The following ABCB4 variants were observed in gnomAD, a reference collection of about 807,000 sequenced individuals.
The protein encoded by ABCB4 is phosphatidylcholine translocator ABCB4.
In ABCB4, 76 loss-of-function variants were observed where a neutral mutation model predicts 145.7. The observed-to-expected ratio is 0.52, with a 90% CI of 0.43 to 0.63. The LOEUF is 0.63. Among genes scored for constraint, ABCB4 ranks in the 30% least tolerant of loss-of-function variants. The pLI, the probability that ABCB4 is intolerant of heterozygous loss-of-function variation, is 0.00. For synonymous variants in ABCB4, 517 were observed against 566.8 expected, an observed-to-expected ratio of 0.91 and a Z score of 1.25; for missense variants, 1,234 against 1,553.1, an observed-to-expected ratio of 0.79 and a Z score of 3.45.
At chr7:87,397,829 A>G (rs1325309369), downstream of ABCB4, among the ~76,000 whole-genome samples, 1 of 152,196 alleles carries the variant, frequency 6.6e-6, no homozygotes, top group Admixed American at 6.5e-5. Context: ...TGAAAATTGC[A>G]TGGTTTTCCA....
At chr7:87,422,336 G>T in intron 17 of ABCB4, 111 bp from the exon 18 acceptor site, 1 of 837,944 alleles carries the variant, frequency 1.2e-6, no homozygotes, top group Non-Finnish European at 2.0e-6. Flanking sequence ...CTTCAAATAT[G>T]TAGGGTTTTG....
the ABCB4 span, among the ~76,000 whole-genome samples, chr7:87,389,818 G>C: frequency 2.8e-5 from 2 of 71,590 alleles, no homozygotes; most frequent in African/African-American, 6.2e-5. Flanking sequence ...TTTAAATCCA[G>C]TTTTTGTTGT....
At chr7:87,420,207 A>G in intron 18 of ABCB4, 132 bp from the exon 19 acceptor site, 2 of 810,612 alleles carry the variant, frequency 2.5e-6, no homozygotes, top group Middle Eastern at 5.8e-4. Context: ...AAGTCATGTT[A>G]ATAACCTGAG....
intron 14 of ABCB4, among the ~76,000 whole-genome samples, chr7:87,433,089 C>A (rs143695953): frequency 6.6e-6 from 1 of 152,156 alleles, no homozygotes; most frequent in East Asian, 1.9e-4. Context: ...AATTTAATTA[C>A]AATAAATATG....
At position 87,424,018 on chromosome 7, in the gene ABCB4, A is replaced by G. The variant is rs774920847; in HGVS notation, c.2099T>C (p.Val700Ala). 6.2e-7 allele frequency: 1 copy of G among 1,614,064 alleles called. No homozygotes were observed. The highest frequency in any genetic ancestry group is 2.2e-5 in the East Asian group (1 of 44,866). ...CCATTCTGTTTTATTCAGTTTCAGGACCTTCAGAAAGGACACTGGTGGCAC... is the reference window on the plus strand; with the variant it reads ...CCATTCTGTTTTATTCAGTTTCAGGGCCTTCAGAAAGGACACTGGTGGCAC... ...ANVPPVSFLK[V>A]LKLNKTEWPY... is the part of the protein sequence containing the mutation. Residue 700 changes from valine to alanine, a missense_variant, in exon 17 of 28, where the codon GTC becomes GCC. Coordinates refer to ENST00000649586, the MANE Select transcript of ABCB4 (RefSeq NM_000443.4).
At chr7:87,406,259 C>T (rs1808176797) in intron 26 of ABCB4, 29 bp downstream of exon 26, 3 of 1,605,458 alleles carry the variant, frequency 1.9e-6, no homozygotes, top group Admixed American at 3.3e-5. Flanking sequence ...AAAGTAGTCT[C>T]TTCTGATTTC....
chr7:87,398,742 A>G, downstream of ABCB4: 2 of 1,169,166 alleles, frequency 1.7e-6, no homozygotes, highest in Non-Finnish European at 2.4e-6. Context: ...TTGACTTGCT[A>G]ACATTCCTTT....
At chr7:87,366,194 T>A in the ABCB4 span, among the ~76,000 whole-genome samples, 1 of 152,104 alleles carries the variant, frequency 6.6e-6, no homozygotes, top group Non-Finnish European at 1.5e-5. Flanking sequence ...TACTAAAGCT[T>A]GATTATTCAT....
At chr7:87,370,405 A>C in the ABCB4 span, among the ~76,000 whole-genome samples, 1 of 151,920 alleles carries the variant, frequency 6.6e-6, no homozygotes, top group South Asian at 2.1e-4. Flanking sequence ...CTGGTCTTGA[A>C]CTCCTGGCCT....
intron 3 of ABCB4, among the ~76,000 whole-genome samples, chr7:87,465,005 C>T (rs1303469938): frequency 2.6e-5 from 4 of 152,230 alleles, no homozygotes; most frequent in Non-Finnish European, 5.9e-5. Flanking sequence ...GTTCATCTCA[C>T]TGCGGCTTGT....
At chr7:87,377,536 G>C in the ABCB4 span, 43,167 of 759,216 alleles carry the variant, frequency 0.057, 1,447 homozygotes, top group Non-Finnish European at 0.068. Context: ...CTGGGGAACA[G>C]TGTAAGTGAA....
the ABCB4 span, among the ~76,000 whole-genome samples, chr7:87,371,985 C>T: frequency 1.2e-4 from 16 of 128,918 alleles, no homozygotes; most frequent in East Asian, 3.0e-3. Context: ...CAGAGCAAGA[C>T]GCTGTCTCAA....
the ABCB4 span, among the ~76,000 whole-genome samples, chr7:87,390,399 C>G: frequency 8.5e-5 from 13 of 152,232 alleles, no homozygotes; most frequent in African/African-American, 3.1e-4. Context: ...TTTTATTACT[C>G]ATTTTTACTG....
Position 87,428,522 on chromosome 7 carries a change from A to G in ABCB4, c.1894-1602T>C, listed in dbSNP as rs150774798. Among the ~76,000 whole-genome samples, 45 of 152,348 alleles carry G rather than the reference A, an allele frequency of 3.0e-4. 1 individual carries two copies. Among genetic ancestry groups the G allele is most frequent in the Admixed American group, 4.6e-4 (7 of 15,304 alleles). The stretch of plus-strand genomic sequence containing the variant: ...GAAAAAACTGACAACCTAATTACAT[A>G]CATTTTAAAGCTTCTTTATGGCAGC... On this transcript the variant is annotated intron_variant, in intron 15 of 27. Transcript: ENST00000649586.
chr7:87,450,694 TCTC>T (rs1011716438), intron 7 of ABCB4, among the ~76,000 whole-genome samples: 2 of 152,040 alleles, frequency 1.3e-5, no homozygotes, highest in Non-Finnish European at 2.9e-5. Flanking sequence ...ATGGTCTCAA[TCTC>T]CTGACCTCGT....
intron 3 of ABCB4, among the ~76,000 whole-genome samples, chr7:87,464,874 A>G (rs947881182): frequency 2.6e-5 from 4 of 152,352 alleles, no homozygotes; most frequent in African/African-American, 9.6e-5. Context: ...AAACCTATGC[A>G]TTAAAACCAG....
the ABCB4 span, among the ~76,000 whole-genome samples, chr7:87,396,441 GA>G: frequency 6.6e-6 from 1 of 152,194 alleles, no homozygotes; most frequent in Admixed American, 6.5e-5. Flanking sequence ...GATTATTCAA[GA>G]CTGTTTTTGA....
chr7:87,462,620 C>A, intron 4 of ABCB4, 138 bp downstream of exon 4: 1 of 780,048 alleles, frequency 1.3e-6, no homozygotes, highest in Non-Finnish European at 2.1e-6. Flanking sequence ...AATTTTACAA[C>A]TCCTTCTATG....
At chr7:87,398,602 T>C (rs751014356), downstream of ABCB4, 7 of 1,613,672 alleles carry the variant, frequency 4.3e-6, no homozygotes, top group East Asian at 1.1e-4. Flanking sequence ...CTTTTTGTGC[T>C]TTTCATGATA....
Sources: allele counts gnomAD v4.1 joint callset (sites outside exome capture counted in the v4.1 genomes callset), GRCh38; gene constraint gnomAD v4.1.1; transcripts MANE v1.5; gene names NCBI Gene and HGNC (gene_info 2026-07-23, HGNC 2026-07-21).